Variants in MAP4K5 observed in about 807,000 individuals in gnomAD.
MAP4K5 encodes the protein MAPK/ERK kinase kinase kinase 5.
Under a neutral mutation model 135.6 loss-of-function variants are expected in MAP4K5, and 82 were observed. The observed-to-expected ratio is 0.60, with a 90% CI of 0.51 to 0.73. MAP4K5 has a LOEUF of 0.73. Ranked by LOEUF, MAP4K5 falls within the 30% of genes least tolerant of loss-of-function variation. The pLI is 0.00. For missense variants in MAP4K5, 907 were observed against 1,010.9 expected (o/e 0.90, Z 1.39); for synonymous variants, 347 against 335.0 (o/e 1.04, Z -0.39).
At chr14:50,559,563 T>C (rs1056977358) in intron 1 of MAP4K5, 9 of 152,226 alleles carry the variant, frequency 5.9e-5, no homozygotes, top group Non-Finnish European at 1.3e-4. Flanking sequence ...TCTTTGCAAA[T>C]CTAGTGGGAA....
At chr14:50,556,213 A>C (rs967780642) in intron 1 of MAP4K5, among the ~76,000 whole-genome samples, 6 of 152,044 alleles carry the variant, frequency 3.9e-5, no homozygotes, top group Non-Finnish European at 5.9e-5. Context: ...AGATTGTACA[A>C]TTCAGTGGAG....
intron 3 of MAP4K5, among the ~76,000 whole-genome samples, chr14:50,491,028 C>G (rs1449822223): frequency 6.6e-6 from 1 of 152,096 alleles, no homozygotes; most frequent in Admixed American, 6.6e-5. Flanking sequence ...TATAAGGGTC[C>G]TCTGCATTAC....
chr14:50,433,001 C>T (rs1372827666), intron 28 of MAP4K5, among the ~76,000 whole-genome samples: 2 of 152,090 alleles, frequency 1.3e-5, no homozygotes, highest in African/African-American at 4.8e-5. Flanking sequence ...CCACGCCCGG[C>T]TAAGTTTGTA....
upstream of MAP4K5, among the ~76,000 whole-genome samples, chr14:50,535,107 CAT>C (rs200106374): frequency 1.3e-5 from 2 of 152,300 alleles, no homozygotes; most frequent in East Asian, 3.9e-4. Context: ...CATGCTGACA[CAT>C]AAATATTTTT....
chr14:50,491,168 T>C (rs929282223), intron 3 of MAP4K5, among the ~76,000 whole-genome samples: 3 of 152,136 alleles, frequency 2.0e-5, no homozygotes, highest in African/African-American at 7.2e-5. Flanking sequence ...CATTAAAACC[T>C]GGTTGTGCCA....
At chr14:50,484,912 G>A in intron 5 of MAP4K5, among the ~76,000 whole-genome samples, 1 of 152,078 alleles carries the variant, frequency 6.6e-6, no homozygotes, top group African/African-American at 2.4e-5. Context: ...TATAAAATAA[G>A]TAGCTGCAAT....
At chr14:50,557,883 A>G (rs1416316705) in intron 1 of MAP4K5, among the ~76,000 whole-genome samples, 3 of 152,238 alleles carry the variant, frequency 2.0e-5, no homozygotes, top group Non-Finnish European at 4.4e-5. Flanking sequence ...TAGGGAAAAT[A>G]CAAAGGAACC....
chr14:50,479,432 CAT>C (rs1322319834), intron 6 of MAP4K5, among the ~76,000 whole-genome samples: 11 of 152,286 alleles, frequency 7.2e-5, no homozygotes, highest in South Asian at 2.1e-4. Context: ...CCATCAGACA[CAT>C]GTTAATTAAC....
chr14:50,530,632 AAAG>A (rs1273107064), intron 2 of MAP4K5, among the ~76,000 whole-genome samples: 1 of 152,230 alleles, frequency 6.6e-6, no homozygotes, highest in Non-Finnish European at 1.5e-5. Flanking sequence ...AATTTTACAT[AAAG>A]AAGAAGAGGA....
chr14:50,475,002 T>G (rs2037063811), intron 9 of MAP4K5, 75 bp downstream of exon 9: 1 of 1,205,884 alleles, frequency 8.3e-7, no homozygotes, highest in African/African-American at 1.5e-5. Context: ...TTACTTCTAT[T>G]ACCAAGTATC....
intron 21 of MAP4K5, among the ~76,000 whole-genome samples, chr14:50,440,893 G>A (rs1429917620): frequency 1.3e-5 from 2 of 152,122 alleles, no homozygotes; most frequent in Non-Finnish European, 2.9e-5. Flanking sequence ...GAGAAAGACT[G>A]CTTCCAATTC....
intron 3 of MAP4K5, among the ~76,000 whole-genome samples, chr14:50,504,144 C>G (rs965739034): frequency 1.3e-5 from 2 of 152,016 alleles, no homozygotes. Context: ...TTTAACCGCT[C>G]AAACTAGGAA....
intron 1 of MAP4K5, among the ~76,000 whole-genome samples, chr14:50,544,312 C>T (rs1162578967): frequency 6.6e-6 from 1 of 152,210 alleles, no homozygotes; most frequent in African/African-American, 2.4e-5. Context: ...TTTTCTCTGT[C>T]CTTACTATCA....
Position 50,466,582 on chromosome 14 carries a change from C to A in MAP4K5, c.737+1G>T. 7.3e-7 allele frequency: 1 copy of A among 1,373,404 alleles called. No homozygotes were observed. Among genetic ancestry groups the A allele is most frequent in the Non-Finnish European group, 1.0e-6 (1 of 986,364 alleles). The allele number at this position is 1,373,404 out of a possible 1,614,324, so 85.1% of individuals were successfully genotyped here. On this transcript the variant is annotated splice_donor_variant, in intron 11 of 32. Coordinates refer to ENST00000682126, the MANE Select transcript of MAP4K5 (RefSeq NM_006575.6). LOFTEE classifies it high-confidence loss of function. ...ATAAAACTATATATTCTTTAACTCA[C>A]CATTTTGTTTTGTCCTTTAGTTTTG...
At chr14:50,556,919 A>G (rs1009318473) in intron 1 of MAP4K5, among the ~76,000 whole-genome samples, 1 of 152,086 alleles carries the variant, frequency 6.6e-6, no homozygotes, top group South Asian at 2.1e-4. Context: ...GATTGTTTCC[A>G]CCTTTTGGCT....
At chr14:50,469,144 G>A (rs1343911882) in intron 9 of MAP4K5, among the ~76,000 whole-genome samples, 3 of 152,162 alleles carry the variant, frequency 2.0e-5, no homozygotes, top group Non-Finnish European at 2.9e-5. Context: ...TAAGTAGGGT[G>A]GGGAGCCTGG....
At chr14:50,558,238 A>G (rs2038787937) in intron 1 of MAP4K5, among the ~76,000 whole-genome samples, 1 of 152,214 alleles carries the variant, frequency 6.6e-6, no homozygotes, top group Admixed American at 6.5e-5. Flanking sequence ...GACCGCCAGT[A>G]ATCCCAGCTA....
At chr14:50,452,697 T>C (rs181870659) in intron 14 of MAP4K5, among the ~76,000 whole-genome samples, 11 of 152,256 alleles carry the variant, frequency 7.2e-5, no homozygotes, top group Non-Finnish European at 1.6e-4. Flanking sequence ...TAAAATAGGG[T>C]GTTGATCCCT....
intron 3 of MAP4K5, among the ~76,000 whole-genome samples, chr14:50,487,386 C>CT (rs1015766484): frequency 6.6e-6 from 1 of 152,104 alleles, no homozygotes; most frequent in African/African-American, 2.4e-5. Context: ...ATCATTGGAA[C>CT]TTTTTTTAAC....
Sources: allele counts gnomAD v4.1 joint callset (sites outside exome capture counted in the v4.1 genomes callset), GRCh38; gene constraint gnomAD v4.1.1; transcripts MANE v1.5; gene names NCBI Gene and HGNC (gene_info 2026-07-23, HGNC 2026-07-21).